MICU3: variants seen among roughly 807,000 people sequenced by gnomAD.
MICU3 encodes the protein calcium uptake protein 3, mitochondrial.
Under a neutral mutation model 66.5 loss-of-function variants are expected in MICU3, and 62 were observed. The observed-to-expected ratio is 0.93, with a 90% CI of 0.76 to 1.15. The LOEUF is 1.15. Ranked by LOEUF, MICU3 falls within the 50% of genes most tolerant of loss-of-function variation. The pLI is 0.00. For synonymous variants in MICU3, 308 were observed against 240.7 expected (o/e 1.28, Z -2.59); for missense variants, 779 against 664.4 (o/e 1.17, Z -1.90).
At chr8:17,041,328 T>C (rs1814047303) in intron 1 of MICU3, among the ~76,000 whole-genome samples, 1 of 151,864 alleles carries the variant, frequency 6.6e-6, no homozygotes, top group Non-Finnish European at 1.5e-5. Flanking sequence ...TACTATATTT[T>C]CGGAAAGGAA....
At chr8:17,081,470 A>G (rs1821169991) in intron 4 of MICU3, among the ~76,000 whole-genome samples, 1 of 152,086 alleles carries the variant, frequency 6.6e-6, no homozygotes, top group African/African-American at 2.4e-5. Context: ...TTTTTTGCCA[A>G]TATATTTGAG....
chr8:17,074,643 C>G (rs974877573), intron 3 of MICU3, among the ~76,000 whole-genome samples: 1 of 146,736 alleles, frequency 6.8e-6, no homozygotes, highest in Non-Finnish European at 1.5e-5. Flanking sequence ...GTTTAACTTG[C>G]CACCCCTAGA....
Position 17,092,914 on chromosome 8 carries a change from A to G in MICU3, c.888+2330A>G, listed in dbSNP as rs186475536. On this transcript the variant is annotated intron_variant, in intron 8 of 14. Coordinates refer to ENST00000318063, the MANE Select transcript of MICU3 (RefSeq NM_181723.3). ...GGATATAAACTAAGAGATTTATAAG[A>G]GCCAGTTTCTACCTTTAGGAAGAAG... 1.8e-4 allele frequency among the ~76,000 whole-genome samples: 28 copies of G among 152,174 alleles called. No individual in the cohort carries two copies. The Middle Eastern group carries it at 0.01, about 55-fold the overall frequency.
chr8:17,081,349 T>G (rs1821152364), intron 4 of MICU3, among the ~76,000 whole-genome samples: 1 of 152,140 alleles, frequency 6.6e-6, no homozygotes, highest in African/African-American at 2.4e-5. Context: ...TGTTTTTTCC[T>G]TTAAGCTCTG....
At chr8:17,088,693 G>C (rs1181657065) in intron 7 of MICU3, among the ~76,000 whole-genome samples, 1 of 151,764 alleles carries the variant, frequency 6.6e-6, no homozygotes, top group African/African-American at 2.4e-5. Flanking sequence ...TAAAAATACA[G>C]TATTATTCTG....
chr8:17,098,421 C>G (rs755065842), intron 8 of MICU3, 37 bp from the exon 9 acceptor site: 1 of 1,240,440 alleles, frequency 8.1e-7, no homozygotes. Context: ...TGTAACTATT[C>G]TTTAGATTTC....
intron 11 of MICU3, among the ~76,000 whole-genome samples, chr8:17,106,546 CTTTTT>C (rs36068857): frequency 1.7e-4 from 23 of 136,774 alleles, no homozygotes; most frequent in South Asian, 4.5e-4. Flanking sequence ...CTTGAATCTG[CTTTTT>C]TTTTTTTTTT....
chr8:17,112,401 T>A (rs750465565), intron 11 of MICU3, among the ~76,000 whole-genome samples: 7 of 152,224 alleles, frequency 4.6e-5, no homozygotes, highest in Non-Finnish European at 7.3e-5. Flanking sequence ...ATTCTGAGTG[T>A]GAGGATGGTA....
chr8:17,110,486 T>C (rs1040887169), intron 11 of MICU3, among the ~76,000 whole-genome samples: 2 of 152,198 alleles, frequency 1.3e-5, no homozygotes, highest in African/African-American at 4.8e-5. Flanking sequence ...TTACTTATTC[T>C]AATATTTAAT....
At chr8:17,137,379 T>C in the MICU3 span, among the ~76,000 whole-genome samples, 1 of 151,994 alleles carries the variant, frequency 6.6e-6, no homozygotes, top group African/African-American at 2.4e-5. Flanking sequence ...ATCATATTAA[T>C]AATTTTTTTA....
chr8:17,043,217 G>A (rs1814502415), intron 1 of MICU3, among the ~76,000 whole-genome samples: 1 of 152,088 alleles, frequency 6.6e-6, no homozygotes. Flanking sequence ...GGGATTACAG[G>A]CGTGAGCCAC....
In MICU3 at chr8:17,114,175, A is replaced by G; in HGVS notation, c.1340A>G (p.Asn447Ser). Residue 447 changes from asparagine (N) to serine (S), a missense_variant, in exon 12 of 15, where the codon AAC becomes AGC. Coordinates refer to ENST00000318063, the MANE Select transcript of MICU3 (RefSeq NM_181723.3). ...EDFAIALNMY[N>S]FASRSIGQDE... ...TTTGCAATAGCCCTGAATATGTATA[A>G]CTTTGCAAGTCGTTCTATAGGGCAA... 2 of 1,610,310 alleles carry G rather than the reference A, an allele frequency of 1.2e-6. No individual in the cohort carries two copies. The highest frequency in any genetic ancestry group is 1.7e-6 in the Non-Finnish European group (2 of 1,177,714).
intron 9 of MICU3, among the ~76,000 whole-genome samples, chr8:17,101,154 TTAAA>T (rs796419430): frequency 2.0e-4 from 31 of 151,992 alleles, no homozygotes; most frequent in African/African-American, 6.5e-4. Context: ...TGAAATCATT[TTAAA>T]TAGTTTTTAA....
intron 9 of MICU3, 146 bp downstream of exon 9, chr8:17,098,699 T>C: frequency 1.7e-6 from 1 of 577,206 alleles, no homozygotes; most frequent in Non-Finnish European, 3.1e-6. Flanking sequence ...ATATATAAAC[T>C]GTGTATTTGA....
rs543176682 is a variant in MICU3 at position 17,037,917 on chromosome 8, G to T, written c.381+10257G>T. 4.6e-5 allele frequency among the ~76,000 whole-genome samples: 7 copies of T among 152,272 alleles called. No homozygotes were observed. The South Asian group carries it at 1.2e-3, about 27-fold the overall frequency. ...AGATTTGCCTGTCCTGTTGGATTTT[G>T]GACTGGCATGGGACTGTAGCCCCTT... On this transcript the variant is annotated intron_variant, in intron 1 of 14. Coordinates refer to ENST00000318063, the MANE Select transcript of MICU3 (RefSeq NM_181723.3).
At chr8:17,028,395 T>C (rs925801963) in intron 1 of MICU3, among the ~76,000 whole-genome samples, 1 of 152,124 alleles carries the variant, frequency 6.6e-6, no homozygotes, top group Non-Finnish European at 1.5e-5. Flanking sequence ...CATTATGTAG[T>C]TAATAATACA....
intron 11 of MICU3, among the ~76,000 whole-genome samples, chr8:17,106,730 A>G (rs1412106145): frequency 6.6e-6 from 1 of 151,986 alleles, no homozygotes; most frequent in Non-Finnish European, 1.5e-5. Flanking sequence ...ATTGATTCTC[A>G]TTGATTTTTT....
intron 1 of MICU3, among the ~76,000 whole-genome samples, chr8:17,035,605 G>T (rs1812835992): frequency 6.6e-6 from 1 of 152,220 alleles, no homozygotes; most frequent in African/African-American, 2.4e-5. Context: ...TTTTGAACTT[G>T]AGAGAGATAA....
At chr8:17,135,129 A>G in the MICU3 span, among the ~76,000 whole-genome samples, 1 of 152,052 alleles carries the variant, frequency 6.6e-6, no homozygotes, top group African/African-American at 2.4e-5. Context: ...GGCCAGGCGC[A>G]GTGGCTCATG....
Sources: allele counts gnomAD v4.1 joint callset (sites outside exome capture counted in the v4.1 genomes callset), GRCh38; gene constraint gnomAD v4.1.1; transcripts MANE v1.5; gene names NCBI Gene and HGNC (gene_info 2026-07-23, HGNC 2026-07-21).